The following SLIT3 variants were observed in gnomAD, a reference collection of about 807,000 sequenced individuals.
SLIT3 encodes slit homolog 3 protein.
In SLIT3, 68 loss-of-function variants were observed where a neutral mutation model predicts 184.0. The ratio of observed to expected loss-of-function variants is 0.37; its 90% CI spans 0.30 to 0.45. SLIT3 has a LOEUF of 0.45. SLIT3 is among the 20% of genes least tolerant of loss of function. The pLI, the probability that SLIT3 is intolerant of heterozygous loss-of-function variation, is 1.00. For missense variants in SLIT3, 1,707 were observed against 2,026.0 expected (o/e 0.84, Z 3.02); for synonymous variants, 831 against 828.6 (o/e 1.00, Z -0.05).
chr5:168,681,827 C>A (rs1761601682), intron 32 of SLIT3, among the ~76,000 whole-genome samples: 1 of 152,202 alleles, frequency 6.6e-6, no homozygotes, highest in South Asian at 2.1e-4. Flanking sequence ...GCCTGGCTTT[C>A]ACCTTCTGTC....
At chr5:169,211,999 A>ATGCCACC (rs1320136511) in intron 3 of SLIT3, among the ~76,000 whole-genome samples, 4 of 148,594 alleles carry the variant, frequency 2.7e-5, no homozygotes, top group East Asian at 2.0e-4. Context: ...TCCATGGTGT[A>ATGCCACC]TTTTCTTTAT....
At chr5:168,975,463 A>C (rs2337956) in intron 4 of SLIT3, among the ~76,000 whole-genome samples, 3,783 of 151,112 alleles carry the variant, frequency 0.025, 77 homozygotes, top group African/African-American at 0.049. Context: ...ACACCCCCCC[A>C]CACACACAGA....
intron 4 of SLIT3, chr5:169,026,464 T>TTC (rs1756827780): frequency 6.6e-6 from 1 of 152,146 alleles, no homozygotes; most frequent in African/African-American, 2.4e-5. Flanking sequence ...CCCAAGTCCA[T>TTC]TCATTGTGAA....
intron 4 of SLIT3, among the ~76,000 whole-genome samples, chr5:168,894,851 A>G (rs1379305592): frequency 6.6e-6 from 1 of 152,206 alleles, no homozygotes; most frequent in African/African-American, 2.4e-5. Context: ...TTAGGATAAT[A>G]CAGATAATGA....
At chr5:169,162,160 G>A (rs1009733080) in intron 4 of SLIT3, among the ~76,000 whole-genome samples, 2 of 152,172 alleles carry the variant, frequency 1.3e-5, no homozygotes, top group African/African-American at 4.8e-5. Context: ...CCACAGAGAT[G>A]GGATTCGAAT....
intron 4 of SLIT3, chr5:169,017,976 T>C (rs1308143283): frequency 6.6e-6 from 1 of 152,242 alleles, no homozygotes; most frequent in Non-Finnish European, 1.5e-5. Flanking sequence ...GACGAGGTTA[T>C]GGTTCTACCC....
At position 168,673,430 on chromosome 5, in the gene SLIT3, T is replaced by TTTTA; in HGVS notation, c.3687-103_3687-100dup. The TTTTA allele has an allele frequency of 2.7e-6, 3 of 1,121,878 alleles. No individual in the cohort carries two copies. In the South Asian group the frequency reaches 5.1e-5, roughly 19 times the overall value. 69.5% of individuals were successfully genotyped at this position (1,121,878 alleles called of 1,614,324 possible). On this transcript the variant is annotated intron_variant, in intron 32 of 35. Coordinates refer to ENST00000519560, the MANE Select transcript of SLIT3 (RefSeq NM_003062.4). ...CTTGACCTGCATTGCTTACATTTTGTTTTACTTTTTATTTGGAAATAACTT... is the reference window on the plus strand; with the variant it reads ...CTTGACCTGCATTGCTTACATTTTGTTTTATTTACTTTTTATTTGGAAATAACTT...
chr5:168,694,607 CTTTA>C, intron 28 of SLIT3, among the ~76,000 whole-genome samples: 1 of 152,164 alleles, frequency 6.6e-6, no homozygotes, highest in African/African-American at 2.4e-5. Flanking sequence ...CTCTCTCTTT[CTTTA>C]TCTCTCTCTC....
intron 4 of SLIT3, among the ~76,000 whole-genome samples, chr5:169,182,330 G>T (rs1355158884): frequency 6.6e-6 from 1 of 152,250 alleles, no homozygotes; most frequent in Non-Finnish European, 1.5e-5. Flanking sequence ...GGTTTGGACA[G>T]TGCTGTGTTA....
intron 6 of SLIT3, among the ~76,000 whole-genome samples, chr5:168,836,650 T>C (rs1170129045): frequency 6.6e-6 from 1 of 152,134 alleles, no homozygotes; most frequent in Non-Finnish European, 1.5e-5. Flanking sequence ...AGTGCAGAGA[T>C]CTGGCAGCTG....
chr5:169,211,513 C>A (rs1470273379), intron 3 of SLIT3, among the ~76,000 whole-genome samples: 1 of 152,176 alleles, frequency 6.6e-6, no homozygotes, highest in Non-Finnish European at 1.5e-5. Context: ...TCACCTCCTA[C>A]CACTCTCCTA....
chr5:168,951,068 A>G (rs1324207445), intron 4 of SLIT3, among the ~76,000 whole-genome samples: 1 of 152,178 alleles, frequency 6.6e-6, no homozygotes, highest in East Asian at 1.9e-4. Context: ...AAAAATATGA[A>G]AATTAGCCAG....
At chr5:169,128,868 C>T (rs757685307) in intron 4 of SLIT3, among the ~76,000 whole-genome samples, 4 of 152,116 alleles carry the variant, frequency 2.6e-5, no homozygotes, top group Non-Finnish European at 5.9e-5. Flanking sequence ...ACACTCCAGG[C>T]GACTGCAGCT....
Position 169,300,148 on chromosome 5 carries a change from C to T in SLIT3, c.197+365G>A, listed in dbSNP as rs76325445. 0.011 allele frequency among the ~76,000 whole-genome samples: 1,648 copies of T among 152,334 alleles called. 18 individuals are homozygous for T. Among genetic ancestry groups the T allele is most frequent in the Non-Finnish European group, 0.018 (1,206 of 68,030 alleles). On this transcript the variant is annotated intron_variant, in intron 1 of 35. Transcript: ENST00000519560. The surrounding 1 kb of genome is among the most constrained non-coding windows in gnomAD (Gnocchi z 4.1). ...ATCCTATAGCTTTCTCCTTCGCCCG[C>T]CCCCCTTTTTAACGAGCGCAGACCC...
In SLIT3 at chr5:168,754,027, T is replaced by G. The variant is rs1754808372; in HGVS notation, c.1686-20A>C. Reference sequence around the variant, plus strand: ...AGATTTCTAGAAGGAAGAAACAGAATAGGGGAGAATCAAAAGGAGCAGATG... The same window carrying G: ...AGATTTCTAGAAGGAAGAAACAGAAGAGGGGAGAATCAAAAGGAGCAGATG... On this transcript the variant is annotated intron_variant, in intron 16 of 35. Transcript: ENST00000519560. 4.5e-6 allele frequency: 7 copies of G among 1,546,934 alleles called. No homozygotes were observed. Among genetic ancestry groups the G allele is most frequent in the Non-Finnish European group, 5.2e-6 (6 of 1,149,808 alleles).
At chr5:168,920,521 C>T (rs922906430) in intron 4 of SLIT3, among the ~76,000 whole-genome samples, 9 of 152,124 alleles carry the variant, frequency 5.9e-5, no homozygotes, top group South Asian at 2.1e-4. Context: ...CACGGCGGCA[C>T]GGAAGGAATA....
At chr5:168,967,419 G>A (rs906552427) in intron 4 of SLIT3, among the ~76,000 whole-genome samples, 1 of 145,216 alleles carries the variant, frequency 6.9e-6, no homozygotes, top group Non-Finnish European at 1.5e-5. Flanking sequence ...GCATTCCTCT[G>A]GCACTGCCAT....
chr5:168,778,305 C>T, intron 12 of SLIT3, among the ~76,000 whole-genome samples: 1 of 152,190 alleles, frequency 6.6e-6, no homozygotes, highest in East Asian at 1.9e-4. Flanking sequence ...ACCAAGGTCC[C>T]CCAGCAATAA....
intron 4 of SLIT3, among the ~76,000 whole-genome samples, chr5:169,001,925 A>G (rs530941894): frequency 6.6e-6 from 1 of 152,076 alleles, no homozygotes; most frequent in South Asian, 2.1e-4. Context: ...GAAGGGAGAC[A>G]TTGGTGGGAA....
Sources: gnomAD v4.1 joint callset for allele counts (sites outside exome capture counted in the v4.1 genomes callset) on GRCh38, gnomAD v4.1.1 for gene constraint, Gnocchi (gnomAD v3.1) non-coding constraint, MANE v1.5 for transcripts, NCBI Gene and HGNC (gene_info 2026-07-23, HGNC 2026-07-21) for gene names.